EPB41L1: variants seen among roughly 807,000 people sequenced by gnomAD.
The protein encoded by EPB41L1 is erythrocyte membrane protein band 4.1 like 1, also known as band 4.1-like protein 1.
A neutral mutation model predicts 97.8 loss-of-function variants in EPB41L1; 29 were observed. The ratio of observed to expected loss-of-function variants is 0.30; its 90% CI spans 0.22 to 0.40. EPB41L1 has a LOEUF of 0.40. Ranked by LOEUF, EPB41L1 falls within the 10% of genes least tolerant of loss-of-function variation. The pLI is 1.00. For synonymous variants in EPB41L1, 383 were observed against 459.2 expected (o/e 0.83, Z 2.12); for missense variants, 812 against 1,162.3 (o/e 0.70, Z 4.38).
In EPB41L1 at chr20:36,212,234, G is replaced by A; in HGVS notation, c.2080-38G>A. 6.3e-7 allele frequency: 1 copy of A among 1,598,612 alleles called. No individual in the cohort carries two copies. Among genetic ancestry groups the A allele is most frequent in the South Asian group, 1.1e-5 (1 of 90,738 alleles). ...GTCTGTGAGCAAGGGTCATGCTAGGGTTTCAGTTACAGAGCATTCTCCCTC... is the reference window on the plus strand; with the variant it reads ...GTCTGTGAGCAAGGGTCATGCTAGGATTTCAGTTACAGAGCATTCTCCCTC... On this transcript the variant is annotated intron_variant, in intron 15 of 21. Coordinates refer to ENST00000338074, the MANE Select transcript of EPB41L1 (RefSeq NM_012156.2). This position sits in a 1 kb window ranked among gnomAD's most constrained non-coding sequence, Gnocchi z 4.8.
Position 36,204,618 on chromosome 20 carries a change from G to A in EPB41L1, c.1669-4870G>A, listed in dbSNP as rs145110030. Among the ~76,000 whole-genome samples, 1,011 of 151,784 alleles carry A rather than the reference G, an allele frequency of 6.7e-3. 8 individuals carry two copies. The highest frequency in any genetic ancestry group is 0.023 in the African/African-American group (957 of 41,322). ...TCCTGCCTCAGCCTCCCAAAGTGCT[G>A]GGATTACAGGTGTGAGCCACCGCGC... On this transcript the variant is annotated intron_variant, in intron 14 of 21. Coordinates refer to ENST00000338074, the MANE Select transcript of EPB41L1 (RefSeq NM_012156.2).
chr20:36,155,621 G>C (rs1300851661), intron 1 of EPB41L1: 2 of 456,466 alleles, frequency 4.4e-6, no homozygotes, highest in African/African-American at 4.0e-5. Context: ...CTGACTGGCA[G>C]ACGTATATGG....
chr20:36,122,073 C>T (rs921119198), intron 2 of EPB41L1, among the ~76,000 whole-genome samples: 1 of 152,164 alleles, frequency 6.6e-6, no homozygotes. Context: ...GCCTTGCTCA[C>T]GGAGTAGGGG....
chr20:36,168,647 A>C (rs760784522), intron 1 of EPB41L1, among the ~76,000 whole-genome samples: 5 of 151,620 alleles, frequency 3.3e-5, no homozygotes, highest in African/African-American at 1.2e-4. Flanking sequence ...CTCCTGCCTC[A>C]GCCTCCTGAG....
chr20:36,107,534 T>TA (rs2058234503), intron 1 of EPB41L1, among the ~76,000 whole-genome samples: 1 of 150,416 alleles, frequency 6.6e-6, no homozygotes, highest in African/African-American at 2.4e-5. Flanking sequence ...TTTTTTTTTT[T>TA]AAATCATAAA....
In EPB41L1 at chr20:36,173,671, CATCT is replaced by C. The variant is rs1232300549; in HGVS notation, c.-14-92_-14-89del. On this transcript the variant is annotated intron_variant, in intron 1 of 21. Transcript: ENST00000338074. ...CTGTGACTCTTTGTCCGTTTGCCTC[CATCT>C]GTCTCTCTCCGCGTGTGGTTCCTGC... 17 of 1,161,004 alleles carry C rather than the reference CATCT, an allele frequency of 1.5e-5. No homozygotes were observed. The Admixed American group carries it at 2.5e-4, about 17-fold the overall frequency. The allele number at this position is 1,161,004 out of a possible 1,614,324, so 71.9% of individuals were successfully genotyped here.
chr20:36,215,689 T>C (rs2063400575), intron 17 of EPB41L1, among the ~76,000 whole-genome samples: 2 of 152,232 alleles, frequency 1.3e-5, no homozygotes, highest in Non-Finnish European at 2.9e-5. Flanking sequence ...CAGGCACTTA[T>C]ACCATTCATT....
intron 2 of EPB41L1, among the ~76,000 whole-genome samples, chr20:36,139,858 A>C (rs2059569161): frequency 6.6e-6 from 1 of 151,878 alleles, no homozygotes; most frequent in Admixed American, 6.6e-5. Flanking sequence ...CAACCTCCTG[A>C]GTAGCTGAGA....
intron 14 of EPB41L1, among the ~76,000 whole-genome samples, chr20:36,203,302 A>T (rs1297325453): frequency 2.0e-5 from 3 of 152,198 alleles, no homozygotes; most frequent in African/African-American, 4.8e-5. Flanking sequence ...CCTCTGGGAT[A>T]CCGTTTCGCC....
chr20:36,155,292 G>A (rs1269942736), intron 1 of EPB41L1: 3 of 411,074 alleles, frequency 7.3e-6, no homozygotes, highest in Non-Finnish European at 1.5e-5. Context: ...TGGGATGCTG[G>A]CGAGCCCTTG....
chr20:36,206,829 T>G lies in EPB41L1; in HGVS notation c.1669-2659T>G. ...AGGAAGGGACCCCCGTGAGTGGAGA[T>G]TTGCTGGGAAAGGCTGAGGAAAGTC... On this transcript the variant is annotated intron_variant, in intron 14 of 21. Coordinates refer to ENST00000338074, the MANE Select transcript of EPB41L1 (RefSeq NM_012156.2). This position sits in a 1 kb window ranked among gnomAD's most constrained non-coding sequence, Gnocchi z 5.5. The G allele has an allele frequency of 7.8e-7, 1 of 1,289,546 alleles. No homozygotes were observed. The highest frequency in any genetic ancestry group is 1.0e-6 in the Non-Finnish European group (1 of 988,802). The allele number at this position is 1,289,546 out of a possible 1,614,324, so 79.9% of individuals were successfully genotyped here.
chr20:36,175,943 C>G (rs1019121649), intron 3 of EPB41L1, among the ~76,000 whole-genome samples: 26 of 152,068 alleles, frequency 1.7e-4, no homozygotes, highest in Non-Finnish European at 3.5e-4. Context: ...AGGGCTGGCA[C>G]CAGGGGAAGA....
At chr20:36,140,233 T>G (rs2059587470) in intron 2 of EPB41L1, among the ~76,000 whole-genome samples, 1 of 141,998 alleles carries the variant, frequency 7.0e-6, no homozygotes, top group Admixed American at 7.0e-5. Context: ...TTTTGTATGT[T>G]TTTTTTTTTT....
intron 17 of EPB41L1, among the ~76,000 whole-genome samples, chr20:36,218,627 A>G (rs1206514294): frequency 6.6e-6 from 1 of 152,180 alleles, no homozygotes; most frequent in Admixed American, 6.5e-5. Context: ...TGATCACTAC[A>G]GTGTTCCTAA....
In EPB41L1 at chr20:36,178,929, C is replaced by T. The variant is rs751071701; in HGVS notation, c.490+257C>T. Among the ~76,000 whole-genome samples the T allele has an allele frequency of 9.2e-5, 14 of 151,670 alleles. 1 individual carries two copies. The highest frequency in any genetic ancestry group is 4.2e-4 in the South Asian group (2 of 4,784). On this transcript the variant is annotated intron_variant, in intron 5 of 21. Transcript: ENST00000338074. ...TACAAAAATTAGCTGGGCGTGGTGG[C>T]GGGTGCTTGTAATCCCAGCTACTCG...
chr20:36,130,687 T>A (rs937219767), intron 2 of EPB41L1, among the ~76,000 whole-genome samples: 1 of 152,128 alleles, frequency 6.6e-6, no homozygotes, highest in African/African-American at 2.4e-5. Context: ...CTCAGTAAAC[T>A]TGCCAAACTG....
chr20:36,094,297 G>C (rs1480648494), intron 1 of EPB41L1, among the ~76,000 whole-genome samples: 2 of 152,178 alleles, frequency 1.3e-5, no homozygotes, highest in Non-Finnish European at 2.9e-5. Context: ...CTGCCAAATG[G>C]AATAGAAGAG....
In EPB41L1 at chr20:36,222,166, C is replaced by T. The variant is rs185926838; in HGVS notation, c.2521-112C>T. Reference sequence around the variant, plus strand: ...CTCCCTTTAGTTGTTTGACTTTGCCCCTCTCTGGGCCTCAGTTTTTCCAGC... The same window carrying T: ...CTCCCTTTAGTTGTTTGACTTTGCCTCTCTCTGGGCCTCAGTTTTTCCAGC... On this transcript the variant is annotated intron_variant, in intron 20 of 21. Coordinates refer to ENST00000338074, the MANE Select transcript of EPB41L1 (RefSeq NM_012156.2). 1.2e-3 allele frequency: 1,327 copies of T among 1,092,562 alleles called. 1 individual carries two copies. Among genetic ancestry groups the T allele is most frequent in the Middle Eastern group, 5.0e-3 (20 of 3,998 alleles). 67.7% of individuals were successfully genotyped at this position (1,092,562 alleles called of 1,614,324 possible). A position where few individuals can be genotyped will look rare whatever the true frequency, so the allele number is the denominator to read the frequency against.
At chr20:36,136,338 G>GT (rs60257818) in intron 2 of EPB41L1, among the ~76,000 whole-genome samples, 8,399 of 113,854 alleles carry the variant, frequency 0.074, 392 homozygotes, top group East Asian at 0.12. Flanking sequence ...GCCCGGCTAA[G>GT]TTTTTTTTTT....
Sources: gnomAD v4.1 joint callset for allele counts (sites outside exome capture counted in the v4.1 genomes callset) on GRCh38, gnomAD v4.1.1 for gene constraint, Gnocchi (gnomAD v3.1) non-coding constraint, MANE v1.5 for transcripts, NCBI Gene and HGNC (gene_info 2026-07-23, HGNC 2026-07-21) for gene names.